ZNF594: variants seen among roughly 807,000 people sequenced by gnomAD.
The protein encoded by ZNF594 is zinc finger protein 594, also known as zinc finger protein HZF18.
For synonymous variants in ZNF594, 336 were observed against 309.4 expected (o/e 1.09, Z -0.90); for missense variants, 1,037 against 964.6 (o/e 1.08, Z -0.99).
intron 1 of ZNF594, among the ~76,000 whole-genome samples, chr17:5,186,489 T>G (rs375740828): frequency 2.0e-4 from 30 of 152,258 alleles, no homozygotes; most frequent in African/African-American, 7.2e-4. Flanking sequence ...GAGGGGCTGC[T>G]GTGAAGACTT....
downstream of ZNF594, among the ~76,000 whole-genome samples, chr17:5,179,322 C>T (rs576526666): frequency 2.9e-4 from 44 of 149,484 alleles, no homozygotes; most frequent in African/African-American, 1.1e-3. Flanking sequence ...GGATGATGCC[C>T]ACCTGGCTGC....
Position 5,181,452 on chromosome 17 carries a change from C to T in ZNF594, c.*381G>A, listed in dbSNP as rs1191766238. ...CTCTCCCCTAAGCTCCTCATCCTTG[C>T]TGAAGGTTTTCTCACGTTCTTCAAG... On this transcript the variant is annotated 3_prime_UTR_variant, in exon 2 of 2. Transcript: ENST00000575779. The T allele has an allele frequency of 6.2e-7, 1 of 1,613,886 alleles. No individual in the cohort carries two copies. Among genetic ancestry groups the T allele is most frequent in the Admixed American group, 1.7e-5 (1 of 60,012 alleles).
rs2074368865 is a variant in ZNF594, at chr17:5,183,951, C to T, written c.306G>A (p.Glu102=). Reference sequence around the variant, plus strand: ...TCTGTTTGAAGTTTTGGCCACTAACCTCATATCTATGGGAGCTTTCTCCTG... The same window carrying T: ...TCTGTTTGAAGTTTTGGCCACTAACTTCATATCTATGGGAGCTTTCTCCTG... ...LSAGESSHRY[E]VSGQNFKQKS... The change falls in exon 2 of 2, where the codon GAG becomes GAA. Residue 102 remains glutamate (E), a synonymous_variant. Coordinates refer to ENST00000575779, the MANE Select transcript of ZNF594 (RefSeq NM_032530.2). 6 of 1,613,972 alleles carry T rather than the reference C, an allele frequency of 3.7e-6. No individual in the cohort carries two copies. The highest frequency in any genetic ancestry group is 4.2e-6 in the Non-Finnish European group (5 of 1,180,028).
rs368619630 is a variant in ZNF594, at chr17:5,186,013, G to A, written c.-20-1737C>T. Among the ~76,000 whole-genome samples the A allele has an allele frequency of 2.2e-3, 334 of 152,228 alleles. 1 individual carries two copies. Among genetic ancestry groups the A allele is most frequent in the South Asian group, 0.011 (54 of 4,812 alleles). ...GTGTCTGCAGCTTTTCCAGGCATAC[G>A]GTGCAAGCTGTAGGTGGATCTACCA... On this transcript the variant is annotated intron_variant, in intron 1 of 1. Coordinates refer to ENST00000575779, the MANE Select transcript of ZNF594 (RefSeq NM_032530.2).
chr17:5,185,142 C>T lies in ZNF594; in HGVS notation c.-20-866G>A, dbSNP rs16954468. Reference sequence around the variant, plus strand: ...TGAGCTTATTGCTTTTGAGGGTCCACGTTATCAAATCCCTGACCTTCCCCA... The same window carrying T: ...TGAGCTTATTGCTTTTGAGGGTCCATGTTATCAAATCCCTGACCTTCCCCA... On this transcript the variant is annotated intron_variant, in intron 1 of 1. Coordinates refer to ENST00000575779, the MANE Select transcript of ZNF594 (RefSeq NM_032530.2). Among the ~76,000 whole-genome samples, 1,128 of 152,264 alleles carry T rather than the reference C, an allele frequency of 7.4e-3. 20 individuals are homozygous for T. The highest frequency in any genetic ancestry group is 0.025 in the African/African-American group (1,042 of 41,542).
chr17:5,174,864 G>C (rs1160383891), downstream of ZNF594: 1 of 191,314 alleles, frequency 5.2e-6, no homozygotes, highest in African/African-American at 2.3e-5. Flanking sequence ...CATAAATAGA[G>C]TGTAAATAAA....
downstream of ZNF594, among the ~76,000 whole-genome samples, chr17:5,176,339 G>C (rs990670110): frequency 2.7e-4 from 40 of 145,622 alleles, no homozygotes; most frequent in Admixed American, 9.8e-4. Context: ...AGGTTGCAGT[G>C]AGCCGAGATC....
rs1488967419 is a variant in ZNF594, at chr17:5,181,489, C to T, written c.*344G>A. The T allele has an allele frequency of 4.3e-6, 7 of 1,613,774 alleles. No homozygotes were observed. The African/African-American group carries it at 8.0e-5, about 18-fold the overall frequency. Reference sequence around the variant, plus strand: ...TCACGTTCTTCAAGTTTCTCTCCAGCATGCAGTCTCTGATGTTTGAGGAAA... The same window carrying T: ...TCACGTTCTTCAAGTTTCTCTCCAGTATGCAGTCTCTGATGTTTGAGGAAA... On this transcript the variant is annotated 3_prime_UTR_variant, in exon 2 of 2. Transcript: ENST00000575779.
Position 5,181,481 on chromosome 17 carries a change from C to T in ZNF594, c.*352G>A, listed in dbSNP as rs778672818. The T allele has an allele frequency of 6.2e-7, 1 of 1,613,834 alleles. No homozygotes were observed. The highest frequency in any genetic ancestry group is 8.5e-7 in the Non-Finnish European group (1 of 1,179,872). On this transcript the variant is annotated 3_prime_UTR_variant, in exon 2 of 2. Coordinates refer to ENST00000575779, the MANE Select transcript of ZNF594 (RefSeq NM_032530.2). ...AGGTTTTCTCACGTTCTTCAAGTTTCTCTCCAGCATGCAGTCTCTGATGTT... is the reference window on the plus strand; with the variant it reads ...AGGTTTTCTCACGTTCTTCAAGTTTTTCTCCAGCATGCAGTCTCTGATGTT...
Position 5,184,005 on chromosome 17 carries a change from T to A in ZNF594, c.252A>T (p.Gly84=). The change falls in exon 2 of 2, where the codon GGA becomes GGT. Residue 84 remains glycine, a synonymous_variant. Coordinates refer to ENST00000575779, the MANE Select transcript of ZNF594 (RefSeq NM_032530.2). ...QKAIVGEIGH[G]CNEGEKILSA... is the part of the protein sequence containing the mutation. ...AAAGTATTTTTTCTCCTTCATTACATCCATGGCCAATCTCTCCCACAATGG... is the reference window on the plus strand; with the variant it reads ...AAAGTATTTTTTCTCCTTCATTACAACCATGGCCAATCTCTCCCACAATGG... The A allele has an allele frequency of 6.2e-7, 1 of 1,614,220 alleles. No individual in the cohort carries two copies. The highest frequency in any genetic ancestry group is 1.3e-5 in the African/African-American group (1 of 75,062).
At chr17:5,176,620 TAGGTGATAC>T (rs2074309780), downstream of ZNF594, among the ~76,000 whole-genome samples, 1 of 151,500 alleles carries the variant, frequency 6.6e-6, no homozygotes, top group Non-Finnish European at 1.5e-5. Context: ...GGCATGGCTG[TAGGTGATAC>T]AGGGTGGAGA....
downstream of ZNF594, among the ~76,000 whole-genome samples, chr17:5,179,347 C>A (rs2074323669): frequency 6.7e-6 from 1 of 150,210 alleles, no homozygotes; most frequent in Non-Finnish European, 1.5e-5. Context: ...GACTTCTGCA[C>A]CAAGCGAGGC....
chr17:5,181,675 T>C lies in ZNF594; in HGVS notation c.*158A>G. Reference sequence around the variant, plus strand: ...TCTCCAGTGTGGATTTTCTGGTGTGTGACAAGGTGGGACCTCTGGCTAAAG... The same window carrying C: ...TCTCCAGTGTGGATTTTCTGGTGTGCGACAAGGTGGGACCTCTGGCTAAAG... On this transcript the variant is annotated 3_prime_UTR_variant, in exon 2 of 2. Coordinates refer to ENST00000575779, the MANE Select transcript of ZNF594 (RefSeq NM_032530.2). 6.3e-7 allele frequency: 1 copy of C among 1,577,606 alleles called. No homozygotes were observed. The highest frequency in any genetic ancestry group is 8.7e-7 in the Non-Finnish European group (1 of 1,146,976).
chr17:5,178,316 C>T (rs1247939488), downstream of ZNF594, among the ~76,000 whole-genome samples: 13 of 151,740 alleles, frequency 8.6e-5, no homozygotes, highest in East Asian at 3.8e-4. Context: ...CAGAAAAATA[C>T]GAGAAAAACA....
At position 5,183,539 on chromosome 17, in the gene ZNF594, A is replaced by C. The variant is rs140254975; in HGVS notation, c.718T>G (p.Leu240Val). 114 of 1,614,068 alleles carry C rather than the reference A, an allele frequency of 7.1e-5. No homozygotes were observed. The African/African-American group carries it at 1.4e-3, about 20-fold the overall frequency. Residue 240 changes from leucine (L) to valine (V), a missense_variant, in exon 2 of 2, where the codon TTA (leucine) becomes GTA (valine). Transcript: ENST00000575779. ...QRIHSRGKPY[L>V]CNKCGKAFSQ... ...AAAGCCTTCCCACATTTATTGCATAAATATGGCTTCCCCCTACTGTGGATT... is the reference window on the plus strand; with the variant it reads ...AAAGCCTTCCCACATTTATTGCATACATATGGCTTCCCCCTACTGTGGATT...
rs919175057 is a variant in ZNF594 at position 5,183,200 on chromosome 17, A to G, written c.1057T>C (p.Cys353Arg). Reference sequence around the variant, plus strand: ...TCATCCTTGCTGAAGGTTTTCTCACATTCTTCAATTTTCTCTCCAGCATGC... The same window carrying G: ...TCATCCTTGCTGAAGGTTTTCTCACGTTCTTCAATTTTCTCTCCAGCATGC... ...RLHAGEKIEE[C>R]EKTFSKDEEL... The change falls in exon 2 of 2, where the codon TGT becomes CGT. Residue 353 changes from cysteine to arginine, a missense_variant. Coordinates refer to ENST00000575779, the MANE Select transcript of ZNF594 (RefSeq NM_032530.2). 6.2e-7 allele frequency: 1 copy of G among 1,613,902 alleles called. No individual in the cohort carries two copies. The highest frequency in any genetic ancestry group is 1.3e-5 in the African/African-American group (1 of 74,870).
chr17:5,175,211 A>G (rs2074297257), downstream of ZNF594, among the ~76,000 whole-genome samples: 2 of 152,208 alleles, frequency 1.3e-5, no homozygotes, highest in Non-Finnish European at 2.9e-5. Context: ...CGGGCTGCAC[A>G]GCAGGAGGTG....
rs778117842 is a variant in ZNF594, at chr17:5,188,903, A to T, written c.-21+2845T>A. On this transcript the variant is annotated intron_variant, in intron 1 of 1. Coordinates refer to ENST00000575779, the MANE Select transcript of ZNF594 (RefSeq NM_032530.2). ...GCTGGGACTACAGGCGCCCACCAGTACGCCCAGCTAATTTTTTGTACTTTT... is the reference window on the plus strand; with the variant it reads ...GCTGGGACTACAGGCGCCCACCAGTTCGCCCAGCTAATTTTTTGTACTTTT... 1.4e-3 allele frequency among the ~76,000 whole-genome samples: 208 copies of T among 151,832 alleles called. 1 individual carries two copies. The highest frequency in any genetic ancestry group is 3.4e-3 in the Middle Eastern group (1 of 294).
chr17:5,182,194 G>A lies in ZNF594; in HGVS notation c.2063C>T (p.Ala688Val), dbSNP rs765409688. The A allele has an allele frequency of 9.3e-6, 15 of 1,613,292 alleles. No homozygotes were observed. The Admixed American group carries it at 1.3e-4, about 14-fold the overall frequency. Residue 688 changes from alanine to valine, a missense_variant, in exon 2 of 2, where the codon GCC becomes GTC. Ala to Val is a moderately conservative substitution (Grantham distance 64). Transcript: ENST00000575779. Reference protein sequence around the residue: ...KPYQCSECGNAFRRRSLLIQH... With the variant: ...KPYQCSECGNVFRRRSLLIQH... Reference sequence around the variant, plus strand: ...AATAAGGAGGGAACGCCGCCTGAAGGCATTCCCACATTCACTGCACTGATA... The same window carrying A: ...AATAAGGAGGGAACGCCGCCTGAAGACATTCCCACATTCACTGCACTGATA...
Sources: allele counts gnomAD v4.1 joint callset (sites outside exome capture counted in the v4.1 genomes callset), GRCh38; gene constraint gnomAD v4.1.1; transcripts MANE v1.5; gene names NCBI Gene and HGNC (gene_info 2026-07-23, HGNC 2026-07-21).